The following RAD51D variants were observed in gnomAD, a reference collection of about 807,000 sequenced individuals.
RAD51D encodes RAD51 paralog D, also known as DNA repair protein RAD51 homolog 4.
In RAD51D, 38 loss-of-function variants were observed where a neutral mutation model predicts 44.1. The ratio of observed to expected loss-of-function variants is 0.86; its 90% CI spans 0.67 to 1.13. RAD51D has a LOEUF of 1.13. Ranked by LOEUF, RAD51D falls within the 50% of genes most tolerant of loss-of-function variation. The pLI is 0.00. For missense variants in RAD51D, 390 were observed against 414.0 expected, an observed-to-expected ratio of 0.94 and a Z score of 0.50; for synonymous variants, 141 against 166.6, an observed-to-expected ratio of 0.85 and a Z score of 1.18.
intron 6 of RAD51D, among the ~76,000 whole-genome samples, chr17:35,105,337 C>T (rs1197489743): frequency 6.6e-6 from 1 of 152,080 alleles, no homozygotes; most frequent in Non-Finnish European, 1.5e-5. Context: ...GCTGACCAGG[C>T]TAAGGTACAG....
chr17:35,097,529 A>ATATATATATG lies in RAD51D; in HGVS notation c.*3423_*3424insCATATATATA, dbSNP rs2091495943. 4 of 150,910 alleles carry ATATATATATG rather than the reference A, an allele frequency of 2.7e-5. No individual in the cohort carries two copies. Among genetic ancestry groups the ATATATATATG allele is most frequent in the Non-Finnish European group, 4.4e-5 (3 of 67,800 alleles). The allele number at this position is 150,910 out of a possible 1,614,324, so 9.3% of individuals were successfully genotyped here. Reference sequence around the variant, plus strand: ...TGTGTGTGTGTGTGTATATATATATATATATGTATATGTATATGTATATTT... The same window carrying ATATATATATG: ...TGTGTGTGTGTGTGTATATATATATATATATATATGTATATGTATATGTATATGTATATTT... On this transcript the variant is annotated 3_prime_UTR_variant, in exon 10 of 10. Transcript: ENST00000345365.
Position 35,119,587 on chromosome 17 carries a change from G to GC in RAD51D, c.26dup (p.Cys9TrpfsTer62). On this transcript the variant is annotated frameshift_variant, in exon 1 of 10. Transcript: ENST00000345365. LOFTEE classifies it high-confidence loss of function. ...GGATCATCTCCTCGGTAAGGCCAGGGCACAGTCCGACCCTGAGCACGCCCA... is the reference window on the plus strand; with the variant it reads ...GGATCATCTCCTCGGTAAGGCCAGGGCCACAGTCCGACCCTGAGCACGCCCA... 1 of 1,612,382 alleles carries GC rather than the reference G, an allele frequency of 6.2e-7. No homozygotes were observed. Among genetic ancestry groups the GC allele is most frequent in the Non-Finnish European group, 8.5e-7 (1 of 1,179,950 alleles).
intron 3 of RAD51D, among the ~76,000 whole-genome samples, chr17:35,116,002 A>AAAGAAAGAAAGG (rs1555569899): frequency 1.7e-4 from 25 of 150,970 alleles, no homozygotes; most frequent in African/African-American, 5.6e-4. Context: ...AGAAAGAAAG[A>AAAGAAAGAAAGG]AAGAAAGAAA....
chr17:35,104,386 C>T (rs1373645358), intron 6 of RAD51D, among the ~76,000 whole-genome samples: 1 of 152,110 alleles, frequency 6.6e-6, no homozygotes, highest in Admixed American at 6.5e-5. Flanking sequence ...AAAATGCCTC[C>T]AAATAAATTC....
At position 35,099,971 on chromosome 17, in the gene RAD51D, G is replaced by C. The variant is rs749964031; in HGVS notation, c.*982C>G. The C allele has an allele frequency of 9.5e-6, 5 of 527,726 alleles. No homozygotes were observed. In the East Asian group the frequency reaches 1.6e-4, roughly 17 times the overall value. The allele number at this position is 527,726 out of a possible 1,614,324, so 32.7% of individuals were successfully genotyped here. A position where few individuals can be genotyped will look rare whatever the true frequency, so the allele number is the denominator to read the frequency against. On this transcript the variant is annotated 3_prime_UTR_variant, in exon 10 of 10. Transcript: ENST00000345365. ...AGAGGTGTAATTATATTGCATCTTG[G>C]AGCCACCAGCAATGAATTTCTGCAT...
chr17:35,106,608 T>A, intron 5 of RAD51D, 127 bp from the exon 6 acceptor site: 1 of 746,392 alleles, frequency 1.3e-6, no homozygotes, highest in Non-Finnish European at 2.3e-6. Flanking sequence ...GAGCTTTGTC[T>A]AATGGTCAGT....
rs2091516189 is a variant in RAD51D at position 35,100,046 on chromosome 17, G to C, written c.*907C>G. On this transcript the variant is annotated 3_prime_UTR_variant, in exon 10 of 10. Coordinates refer to ENST00000345365, the MANE Select transcript of RAD51D (RefSeq NM_002878.4). The stretch of plus-strand genomic sequence containing the variant: ...ATTTACGTCAGCATCAATTTTCCCA[G>C]CTGGCTCTATTTACTGTGCAAATTC... 1 of 532,184 alleles carries C rather than the reference G, an allele frequency of 1.9e-6. No homozygotes were observed. The highest frequency in any genetic ancestry group is 3.9e-5 in the East Asian group (1 of 25,460). 33.0% of individuals were successfully genotyped at this position (532,184 alleles called of 1,614,324 possible). A position where few individuals can be genotyped will look rare whatever the true frequency, so the allele number is the denominator to read the frequency against.
At chr17:35,116,773 C>G (rs1453281485) in intron 3 of RAD51D, 1 of 1,030,344 alleles carries the variant, frequency 9.7e-7, no homozygotes, top group Non-Finnish European at 1.5e-6. Flanking sequence ...TGATCACAGG[C>G]GTGAGCCACT....
At position 35,103,760 on chromosome 17, in the gene RAD51D, G is replaced by A. The variant is rs2091568117; in HGVS notation, c.577-216C>T. Among the ~76,000 whole-genome samples the A allele has an allele frequency of 6.6e-6, 1 of 152,240 alleles. No homozygotes were observed. The highest frequency in any genetic ancestry group is 1.5e-5 in the Non-Finnish European group (1 of 68,038). On this transcript the variant is annotated intron_variant, in intron 6 of 9. Coordinates refer to ENST00000345365, the MANE Select transcript of RAD51D (RefSeq NM_002878.4). This position sits in a 1 kb window ranked among gnomAD's most constrained non-coding sequence, Gnocchi z 4.1. ...CAATGAAGACTTGGGTAGAAAGAAAGGGTTTAAATCACAGGACATCAAAAC... is the reference window on the plus strand; with the variant it reads ...CAATGAAGACTTGGGTAGAAAGAAAAGGTTTAAATCACAGGACATCAAAAC...
intron 3 of RAD51D, among the ~76,000 whole-genome samples, chr17:35,113,922 C>G (rs1035788501): frequency 6.6e-6 from 1 of 152,208 alleles, no homozygotes; most frequent in African/African-American, 2.4e-5. Context: ...GAAGCCTGCT[C>G]AAGTTTCAGA....
At position 35,119,722 on chromosome 17, in the gene RAD51D, C is replaced by A. The variant is rs748338572; in HGVS notation, c.-109G>T. On this transcript the variant is annotated 5_prime_UTR_variant, in exon 1 of 10. Coordinates refer to ENST00000345365, the MANE Select transcript of RAD51D (RefSeq NM_002878.4). ...TACCCCTTCCTAGAGAGGACACAGG[C>A]GCGCTGGCTGCCGGAGGAGAAAGGA... The A allele has an allele frequency of 2.2e-5, 25 of 1,122,274 alleles. No homozygotes were observed. Among genetic ancestry groups the A allele is most frequent in the Non-Finnish European group, 3.2e-5 (24 of 755,198 alleles). The allele number at this position is 1,122,274 out of a possible 1,614,324, so 69.5% of individuals were successfully genotyped here. A position where few individuals can be genotyped will look rare whatever the true frequency, so the allele number is the denominator to read the frequency against.
At chr17:35,114,187 G>T (rs1433751904) in intron 3 of RAD51D, among the ~76,000 whole-genome samples, 1 of 152,082 alleles carries the variant, frequency 6.6e-6, no homozygotes, top group Non-Finnish European at 1.5e-5. Context: ...CAGGAGAATG[G>T]CATGAACCCG....
intron 1 of RAD51D, 65 bp from the exon 2 acceptor site, chr17:35,119,237 C>G: frequency 6.9e-7 from 1 of 1,439,566 alleles, no homozygotes; most frequent in South Asian, 1.1e-5. Context: ...TTGGTTTTTC[C>G]TCATCTGTCA....
In RAD51D at chr17:35,106,890, G is replaced by A. The variant is rs2091610886; in HGVS notation, c.480+98C>T. The A allele has an allele frequency of 2.6e-6, 4 of 1,563,320 alleles. No individual in the cohort carries two copies. The Admixed American group carries it at 5.0e-5, about 20-fold the overall frequency. ...TATTAATAGAACAGCAAGTTTGAAG[G>A]CAAGGAATGACTATTCAACCCAAAT... On this transcript the variant is annotated intron_variant, in intron 5 of 9. Transcript: ENST00000345365.
intron 3 of RAD51D, among the ~76,000 whole-genome samples, chr17:35,109,491 G>A (rs2091649781): frequency 6.6e-6 from 1 of 152,196 alleles, no homozygotes; most frequent in Admixed American, 6.5e-5. Flanking sequence ...CTATTTTCCA[G>A]AGTGGCTATG....
intron 3 of RAD51D, among the ~76,000 whole-genome samples, chr17:35,112,234 C>T (rs1390699536): frequency 5.9e-5 from 9 of 152,172 alleles, no homozygotes; most frequent in Admixed American, 5.2e-4. Flanking sequence ...CACACTGCCA[C>T]GCCCAGCTAA....
chr17:35,106,557 G>C, intron 5 of RAD51D, 76 bp from the exon 6 acceptor site: 3 of 1,075,866 alleles, frequency 2.8e-6, no homozygotes, highest in Non-Finnish European at 4.2e-6. Context: ...TGAGAAGGAA[G>C]AGGCACCTGG....
At position 35,104,077 on chromosome 17, in the gene RAD51D, C is replaced by CAAAA. The variant is rs932368812; in HGVS notation, c.577-537_577-534dup. On this transcript the variant is annotated intron_variant, in intron 6 of 9. Transcript: ENST00000345365. The stretch of plus-strand genomic sequence containing the variant: ...TGGGCGACAGAGCAAGACTCTGTCT[C>CAAAA]AAAAAAAATAAAATAAAATAACTAA... 3.3e-5 allele frequency among the ~76,000 whole-genome samples: 5 copies of CAAAA among 151,428 alleles called. 1 individual carries two copies. The highest frequency in any genetic ancestry group is 6.8e-3 in the Middle Eastern group (2 of 294).
At chr17:35,106,201 G>A (rs1005627994) in intron 6 of RAD51D, 185 bp downstream of exon 6, 3 of 738,622 alleles carry the variant, frequency 4.1e-6, no homozygotes, top group African/African-American at 1.7e-5. Context: ...CAGGGAAGAT[G>A]AACATGTAAA....
Sources: allele counts gnomAD v4.1 joint callset (sites outside exome capture counted in the v4.1 genomes callset), GRCh38; gene constraint gnomAD v4.1.1; non-coding constraint Gnocchi (gnomAD v3.1); transcripts MANE v1.5; gene names NCBI Gene and HGNC (gene_info 2026-07-23, HGNC 2026-07-21).